The following RPA2 variants were observed in gnomAD, a reference collection of about 807,000 sequenced individuals.
RPA2 encodes the protein replication protein A 32 kDa subunit.
Under a neutral mutation model 33.4 loss-of-function variants are expected in RPA2, and 22 were observed. The observed-to-expected ratio is 0.66, with a 90% confidence interval of 0.47 to 0.94. The LOEUF (loss-of-function observed/expected upper bound fraction) is 0.94. Among genes scored for constraint, RPA2 ranks in the 40% least tolerant of loss-of-function variants. The pLI is 0.00. For synonymous variants in RPA2, 109 were observed against 114.9 expected (o/e 0.95, Z 0.33); for missense variants, 279 against 329.9 (o/e 0.85, Z 1.19).
At chr1:27,910,719 G>T (rs1255069725) in intron 2 of RPA2, among the ~76,000 whole-genome samples, 1 of 152,046 alleles carries the variant, frequency 6.6e-6, no homozygotes, top group Non-Finnish European at 1.5e-5. Context: ...TATCACCCAG[G>T]GATGGTGCTG....
At chr1:27,909,871 CTAT>C (rs1284642020) in intron 2 of RPA2, among the ~76,000 whole-genome samples, 1 of 152,164 alleles carries the variant, frequency 6.6e-6, no homozygotes. Flanking sequence ...CAAATTTTAG[CTAT>C]TATTATATTA....
chr1:27,906,778 G>A (rs6598912), intron 4 of RPA2, 150 bp downstream of exon 4: 237,335 of 582,622 alleles, frequency 0.41, 50,426 homozygotes, highest in African/African-American at 0.63. Context: ...AAGGTATATA[G>A]TCAAATCTAC....
chr1:27,896,813 T>G (rs1394821730), intron 6 of RPA2, among the ~76,000 whole-genome samples, 192 bp downstream of exon 6: 1 of 152,214 alleles, frequency 6.6e-6, no homozygotes, highest in Non-Finnish European at 1.5e-5. Context: ...AACTCCTAAT[T>G]CTGAGAGAAA....
Position 27,907,037 on chromosome 1 carries a change from G to C in RPA2, c.224C>G (p.Thr75Ser). The C allele has an allele frequency of 3.1e-6, 5 of 1,605,882 alleles. No homozygotes were observed. Among genetic ancestry groups the C allele is most frequent in the African/African-American group, 1.3e-5 (1 of 74,192 alleles). ...TGCATGTCTGATGATCCCCACAATAGTGACCTAGGTTAGAAGAAACAAAGA... is the reference window on the plus strand; with the variant it reads ...TGCATGTCTGATGATCCCCACAATACTGACCTAGGTTAGAAGAAACAAAGA... Reference protein sequence around the residue: ...RIGNVEISQVTIVGIIRHAEK... With the variant: ...RIGNVEISQVSIVGIIRHAEK... Residue 75 changes from threonine to serine, a missense_variant, in exon 4 of 9, where the codon ACT becomes AGT. Around this residue, in one of 2 missense-constraint regions of RPA2, gnomAD observed 274 missense variants for 310.3 expected, o/e 0.88. Transcript: ENST00000373912.
chr1:27,900,522 T>C (rs182922890), intron 4 of RPA2, among the ~76,000 whole-genome samples: 3 of 151,736 alleles, frequency 2.0e-5, no homozygotes, highest in Admixed American at 2.0e-4. Context: ...AATGGCACAA[T>C]CTGGGCTCAC....
chr1:27,903,619 T>C (rs1407385622), intron 4 of RPA2, among the ~76,000 whole-genome samples: 1 of 150,450 alleles, frequency 6.6e-6, no homozygotes, highest in African/African-American at 2.5e-5. Flanking sequence ...CTCGAGAGGC[T>C]GAGGCAGGAG....
intron 4 of RPA2, among the ~76,000 whole-genome samples, chr1:27,906,551 G>A (rs552265452): frequency 6.6e-5 from 10 of 152,072 alleles, no homozygotes; most frequent in South Asian, 4.2e-4. Flanking sequence ...TTAGCCGGGC[G>A]TGGTGGCAGG....
At chr1:27,912,526 C>A (rs1056253341) in intron 2 of RPA2, among the ~76,000 whole-genome samples, 1 of 152,150 alleles carries the variant, frequency 6.6e-6, no homozygotes. Flanking sequence ...TGCTCTCCAG[C>A]CTGGCAGAGA....
At chr1:27,905,396 C>A (rs1269978548) in intron 4 of RPA2, among the ~76,000 whole-genome samples, 3 of 152,098 alleles carry the variant, frequency 2.0e-5, no homozygotes, top group African/African-American at 7.2e-5. Context: ...CAGGTTCAAG[C>A]AATTCTCCTG....
intron 2 of RPA2, 150 bp from the exon 3 acceptor site, chr1:27,907,432 G>A: frequency 1.4e-6 from 1 of 698,978 alleles, no homozygotes; most frequent in South Asian, 2.2e-5. Flanking sequence ...TGGAAACCAA[G>A]GTCATATAGC....
intron 2 of RPA2, among the ~76,000 whole-genome samples, chr1:27,909,450 G>A (rs1372084620): frequency 6.6e-6 from 1 of 152,142 alleles, no homozygotes; most frequent in Non-Finnish European, 1.5e-5. Context: ...AGGCGTGGTG[G>A]GTAACGCCTG....
At chr1:27,913,554 C>G (rs2090127657) in intron 2 of RPA2, among the ~76,000 whole-genome samples, 1 of 150,506 alleles carries the variant, frequency 6.6e-6, no homozygotes, top group Non-Finnish European at 1.5e-5. Context: ...CGCCATTGCA[C>G]TCCAGCCTGG....
At chr1:27,906,629 T>C (rs1341250913) in intron 4 of RPA2, among the ~76,000 whole-genome samples, 1 of 152,078 alleles carries the variant, frequency 6.6e-6, no homozygotes, top group Non-Finnish European at 1.5e-5. Flanking sequence ...GCGGACGTTG[T>C]AGTGAGCCGA....
intron 2 of RPA2, among the ~76,000 whole-genome samples, chr1:27,912,183 A>G (rs913584884): frequency 6.6e-6 from 1 of 152,182 alleles, no homozygotes; most frequent in Non-Finnish European, 1.5e-5. Context: ...GAATCTTAAC[A>G]TATCTGAGTG....
In RPA2 at chr1:27,907,276, G is replaced by A. The variant is rs755866319; in HGVS notation, c.124C>T (p.Arg42Ter). 6.3e-6 allele frequency: 10 copies of A among 1,597,484 alleles called. No homozygotes were observed. The highest frequency in any genetic ancestry group is 2.2e-5 in the East Asian group (1 of 44,782). Residue 42 changes from arginine to a stop codon, truncating the protein, a stop_gained, in exon 3 of 9, where the codon CGA (arginine) becomes TGA (stop). Coordinates refer to ENST00000373912, the MANE Select transcript of RPA2 (RefSeq NM_002946.5). LOFTEE classifies it high-confidence loss of function. Reference sequence around the variant, plus strand: ...GTACAGGGCACAATGTGCTGGGCTCGGGCTCTCTGAAAAGAAAAAACATGC... The same window carrying A: ...GTACAGGGCACAATGTGCTGGGCTCAGGCTCTCTGAAAAGAAAAAACATGC... ...PSQAEKKSRA[R>*]AQHIVPCTIS...
At position 27,891,973 on chromosome 1, in the gene RPA2, C is replaced by G. The variant is rs1406606351; in HGVS notation, c.*190G>C. Reference sequence around the variant, plus strand: ...TTGCATCCCTGTCAATTGCCCATCTCCCTCTGAGCTTCAAACAAAACAAAA... The same window carrying G: ...TTGCATCCCTGTCAATTGCCCATCTGCCTCTGAGCTTCAAACAAAACAAAA... On this transcript the variant is annotated 3_prime_UTR_variant, in exon 9 of 9. Transcript: ENST00000373912. 1 of 521,166 alleles carries G rather than the reference C, an allele frequency of 1.9e-6. No homozygotes were observed. Among genetic ancestry groups the G allele is most frequent in the Non-Finnish European group, 3.5e-6 (1 of 288,458 alleles). 32.3% of individuals were successfully genotyped at this position (521,166 alleles called of 1,614,324 possible).
chr1:27,907,191 TCAA>T lies in RPA2; in HGVS notation c.206_208del (p.Val69del). The T allele has an allele frequency of 6.2e-7, 1 of 1,613,328 alleles. No homozygotes were observed. Among genetic ancestry groups the T allele is most frequent in the Non-Finnish European group, 8.5e-7 (1 of 1,179,648 alleles). On this transcript the variant is annotated inframe_deletion, in exon 3 of 9. Transcript: ENST00000373912. ...AATTATTTGACATACCTGTGAAATC[TCAA>T]CATTCCCAATTCTGAACACTTCATC...
chr1:27,898,121 C>T (rs1415902331), intron 4 of RPA2, among the ~76,000 whole-genome samples: 2 of 152,118 alleles, frequency 1.3e-5, no homozygotes, highest in Non-Finnish European at 2.9e-5. Context: ...CTCAACTTCC[C>T]CAGTAGCTGG....
chr1:27,893,974 A>G (rs529695340), intron 8 of RPA2, 38 bp downstream of exon 8: 1 of 1,551,312 alleles, frequency 6.4e-7, no homozygotes, highest in East Asian at 2.2e-5. Flanking sequence ...AAATAGGTAC[A>G]ATGCCAGAGC....
Sources: gnomAD v4.1 joint callset for allele counts (sites outside exome capture counted in the v4.1 genomes callset) on GRCh38, gnomAD v4.1.1 for gene constraint, gnomAD v4.1.1 regional missense constraint, MANE v1.5 for transcripts, NCBI Gene and HGNC (gene_info 2026-07-23, HGNC 2026-07-21) for gene names.